Variants in WWP1 observed in about 807,000 individuals in gnomAD.
The protein encoded by WWP1 is NEDD4-like E3 ubiquitin-protein ligase WWP1.
WWP1 carries 49 observed loss-of-function variants against 130.6 expected under a neutral mutation model. The ratio of observed to expected loss-of-function variants is 0.38; its 90% CI spans 0.30 to 0.48. The LOEUF (loss-of-function observed/expected upper bound fraction) is 0.48. Ranked by LOEUF, WWP1 falls within the 20% of genes least tolerant of loss-of-function variation. The pLI is 0.99. For synonymous variants in WWP1, 332 were observed against 367.8 expected, an observed-to-expected ratio of 0.90 and a Z score of 1.11; for missense variants, 809 against 1,100.6, an observed-to-expected ratio of 0.74 and a Z score of 3.75.
At chr8:86,444,620 G>C (rs1051625652) in intron 18 of WWP1, among the ~76,000 whole-genome samples, 1 of 152,130 alleles carries the variant, frequency 6.6e-6, no homozygotes, top group Non-Finnish European at 1.5e-5. Context: ...AGGAAGACAT[G>C]GTCAACCGTC....
intron 21 of WWP1, 90 bp from the exon 22 acceptor site, chr8:86,457,831 A>G (rs1316917071): frequency 2.6e-6 from 3 of 1,148,922 alleles, no homozygotes; most frequent in Non-Finnish European, 3.8e-6. Flanking sequence ...ATAATTTGCC[A>G]TGTGCATAAC....
chr8:86,401,339 C>T (rs985358581), intron 7 of WWP1, among the ~76,000 whole-genome samples: 3 of 151,968 alleles, frequency 2.0e-5, no homozygotes, highest in African/African-American at 4.8e-5. Flanking sequence ...ATGGGAGGAT[C>T]GCTTGAGGCC....
chr8:86,442,919 A>G, intron 18 of WWP1, 141 bp downstream of exon 18: 1 of 835,580 alleles, frequency 1.2e-6, no homozygotes, highest in South Asian at 2.9e-5. Flanking sequence ...GGAGAGTGTA[A>G]AAATATATTT....
At chr8:86,381,255 G>T (rs1824971517) in intron 4 of WWP1, among the ~76,000 whole-genome samples, 1 of 152,146 alleles carries the variant, frequency 6.6e-6, no homozygotes, top group Non-Finnish European at 1.5e-5. Context: ...TAAGACTCCT[G>T]TGTTGGTGTT....
chr8:86,361,339 T>C (rs531487216), intron 1 of WWP1, among the ~76,000 whole-genome samples: 2 of 152,198 alleles, frequency 1.3e-5, no homozygotes. Flanking sequence ...CCACCACTTA[T>C]AGATTCTGCT....
chr8:86,429,469 A>G (rs1223789624), intron 11 of WWP1, among the ~76,000 whole-genome samples: 1 of 152,234 alleles, frequency 6.6e-6, no homozygotes, highest in Non-Finnish European at 1.5e-5. Flanking sequence ...ATTATTTTTC[A>G]GGTAATGATT....
At chr8:86,348,064 T>C (rs975968924) in intron 1 of WWP1, among the ~76,000 whole-genome samples, 2 of 152,160 alleles carry the variant, frequency 1.3e-5, no homozygotes, top group Admixed American at 6.5e-5. Context: ...AAGCCCTCCT[T>C]AGTGGATGCT....
intron 9 of WWP1, among the ~76,000 whole-genome samples, chr8:86,422,958 G>A (rs1006616055): frequency 6.6e-6 from 1 of 151,782 alleles, no homozygotes; most frequent in Non-Finnish European, 1.5e-5. Flanking sequence ...GGCGATTTCT[G>A]CTAAAAATCT....
At chr8:86,405,050 C>G (rs928808389) in intron 8 of WWP1, 3 of 152,226 alleles carry the variant, frequency 2.0e-5, no homozygotes, top group Non-Finnish European at 2.9e-5. Flanking sequence ...GGAACCTGCT[C>G]TGTTGGTAGC....
chr8:86,397,428 C>CTG (rs3061697), intron 5 of WWP1, among the ~76,000 whole-genome samples: 5 of 151,880 alleles, frequency 3.3e-5, no homozygotes, highest in African/African-American at 1.2e-4. Flanking sequence ...ATTAACATAT[C>CTG]TCACCTCAAA....
At chr8:86,390,753 A>G (rs1418021208) in intron 5 of WWP1, among the ~76,000 whole-genome samples, 1 of 151,750 alleles carries the variant, frequency 6.6e-6, no homozygotes, top group Non-Finnish European at 1.5e-5. Context: ...CGGGAGGGAG[A>G]GGGAGAAGAA....
intron 20 of WWP1, among the ~76,000 whole-genome samples, chr8:86,451,771 T>C (rs1217453348): frequency 6.6e-6 from 1 of 152,174 alleles, no homozygotes; most frequent in African/African-American, 2.4e-5. Context: ...AGGTGGTGTA[T>C]GCTGCTTCTT....
At chr8:86,425,182 G>A (rs1227022984) in intron 9 of WWP1, 41 bp from the exon 10 acceptor site, 1 of 1,520,474 alleles carries the variant, frequency 6.6e-7, no homozygotes, top group Non-Finnish European at 9.0e-7. Flanking sequence ...GATTGTCCTA[G>A]TGTGTTGTCT....
At chr8:86,447,148 A>G (rs1810926444) in intron 18 of WWP1, among the ~76,000 whole-genome samples, 1 of 152,250 alleles carries the variant, frequency 6.6e-6, no homozygotes, top group Non-Finnish European at 1.5e-5. Context: ...TTGGTTGTTT[A>G]TGCATTTCTA....
intron 3 of WWP1, among the ~76,000 whole-genome samples, chr8:86,374,632 A>G (rs758574272): frequency 5.3e-5 from 8 of 152,250 alleles, no homozygotes; most frequent in Non-Finnish European, 1.2e-4. Flanking sequence ...TTTCCAATTC[A>G]TAATAATAAC....
chr8:86,445,205 A>C (rs1810795368), intron 18 of WWP1, among the ~76,000 whole-genome samples: 1 of 152,186 alleles, frequency 6.6e-6, no homozygotes, highest in African/African-American at 2.4e-5. Flanking sequence ...GTTTAATTTT[A>C]GAATCAGGGG....
intron 8 of WWP1, among the ~76,000 whole-genome samples, chr8:86,410,520 A>C (rs1431975324): frequency 6.6e-6 from 1 of 152,156 alleles, no homozygotes; most frequent in Non-Finnish European, 1.5e-5. Flanking sequence ...AAAAAATCAT[A>C]TGCATTTGTT....
At chr8:86,382,219 C>T (rs187816716) in intron 5 of WWP1, among the ~76,000 whole-genome samples, 1 of 152,090 alleles carries the variant, frequency 6.6e-6, no homozygotes, top group East Asian at 1.9e-4. Flanking sequence ...AACAATATAC[C>T]ATAAATATTA....
At chr8:86,453,282 T>C (rs1811271862) in intron 21 of WWP1, among the ~76,000 whole-genome samples, 1 of 152,178 alleles carries the variant, frequency 6.6e-6, no homozygotes, top group Non-Finnish European at 1.5e-5. Flanking sequence ...AGTGAAATCA[T>C]ACAGTATTTT....
Sources: gnomAD v4.1 joint callset for allele counts (sites outside exome capture counted in the v4.1 genomes callset) on GRCh38, gnomAD v4.1.1 for gene constraint, MANE v1.5 for transcripts, NCBI Gene and HGNC (gene_info 2026-07-23, HGNC 2026-07-21) for gene names.